The following SLC10A7 variants were observed in gnomAD, a reference collection of about 807,000 sequenced individuals.
The protein encoded by SLC10A7 is solute carrier family 10 member 7, also known as sodium/bile acid cotransporter 7.
A neutral mutation model predicts 43.2 loss-of-function variants in SLC10A7; 29 were observed. The observed-to-expected ratio is 0.67, with a 90% CI of 0.50 to 0.92. The LOEUF (loss-of-function observed/expected upper bound fraction) is 0.92. SLC10A7 is among the 40% of genes least tolerant of loss of function. The pLI is 0.00. For missense variants in SLC10A7, 295 were observed against 403.2 expected (o/e 0.73, Z 2.30); for synonymous variants, 152 against 144.8 (o/e 1.05, Z -0.35).
At chr4:146,417,697 A>G (rs1048857681) in intron 5 of SLC10A7, among the ~76,000 whole-genome samples, 1 of 152,206 alleles carries the variant, frequency 6.6e-6, no homozygotes, top group Non-Finnish European at 1.5e-5. Flanking sequence ...ACAGCAATAT[A>G]TAATATAGTG....
chr4:146,307,633 C>T (rs1016695515), intron 6 of SLC10A7, among the ~76,000 whole-genome samples: 9 of 151,958 alleles, frequency 5.9e-5, no homozygotes, highest in Non-Finnish European at 1.2e-4. Context: ...TAGAAAAATA[C>T]ACTTTAAAGA....
intron 5 of SLC10A7, among the ~76,000 whole-genome samples, chr4:146,335,251 T>TAAAAAAA (rs34522588): frequency 2.2e-5 from 2 of 92,654 alleles, no homozygotes; most frequent in East Asian, 3.3e-4. Flanking sequence ...ACAGATGTTG[T>TAAAAAAA]AAAAAAAAAA....
intron 4 of SLC10A7, among the ~76,000 whole-genome samples, chr4:146,467,995 T>C (rs565954942): frequency 1.1e-4 from 16 of 152,172 alleles, no homozygotes; most frequent in Non-Finnish European, 2.2e-4. Context: ...AGAAGAGAGA[T>C]ATTACAGTGT....
intron 5 of SLC10A7, among the ~76,000 whole-genome samples, chr4:146,346,388 C>T (rs865923427): frequency 1.3e-5 from 2 of 152,050 alleles, no homozygotes; most frequent in East Asian, 3.9e-4. Flanking sequence ...GGTATGAGGG[C>T]AGCCCAAGAA....
chr4:146,263,412 T>A (rs1728357722), intron 10 of SLC10A7, among the ~76,000 whole-genome samples: 2 of 152,232 alleles, frequency 1.3e-5, no homozygotes, highest in Non-Finnish European at 2.9e-5. Context: ...AATGAACTTG[T>A]ATTTTTCCAG....
chr4:146,371,285 C>T (rs1736758476), intron 5 of SLC10A7, among the ~76,000 whole-genome samples: 1 of 152,174 alleles, frequency 6.6e-6, no homozygotes, highest in South Asian at 2.1e-4. Flanking sequence ...TGCATTATAA[C>T]ATAGACACAA....
At chr4:146,311,796 A>T (rs1731998599) in intron 6 of SLC10A7, among the ~76,000 whole-genome samples, 1 of 152,144 alleles carries the variant, frequency 6.6e-6, no homozygotes, top group Non-Finnish European at 1.5e-5. Context: ...GCCCACACAC[A>T]GACACACTCC....
At chr4:146,292,877 C>T (rs12711434) in intron 9 of SLC10A7, 52 bp downstream of exon 9, 23 of 1,295,096 alleles carry the variant, frequency 1.8e-5, no homozygotes, top group Non-Finnish European at 2.1e-5. Flanking sequence ...CCAAGTAGAC[C>T]GCATGATTCC....
intron 5 of SLC10A7, among the ~76,000 whole-genome samples, chr4:146,333,427 A>G (rs1733669054): frequency 6.6e-6 from 1 of 152,172 alleles, no homozygotes; most frequent in Non-Finnish European, 1.5e-5. Context: ...CAATAAAATG[A>G]TAATGTTCAA....
intron 3 of SLC10A7, 47 bp downstream of exon 3, chr4:146,509,866 G>C (rs1579376623): frequency 3.2e-6 from 5 of 1,574,184 alleles, no homozygotes; most frequent in Non-Finnish European, 4.3e-6. Flanking sequence ...AATGTCTCTA[G>C]AGATGCCCCA....
intron 5 of SLC10A7, among the ~76,000 whole-genome samples, chr4:146,406,647 C>T (rs1055940755): frequency 2.0e-5 from 3 of 152,162 alleles, no homozygotes; most frequent in Non-Finnish European, 2.9e-5. Flanking sequence ...CAACCACCAG[C>T]CATCTGCTCA....
intron 9 of SLC10A7, among the ~76,000 whole-genome samples, chr4:146,283,728 CA>C (rs1729697074): frequency 6.6e-6 from 1 of 151,962 alleles, no homozygotes; most frequent in South Asian, 2.1e-4. Context: ...TTAGTAAAAA[CA>C]AATTATCATT....
rs1328098781 is a variant in SLC10A7 at position 146,255,126 on chromosome 4, G to A, written c.*1365C>T. ...CAGTGAGACCCAGGATGCCAATATT[G>A]TCTATCAAATCAAGAGAGGACGTGT... On this transcript the variant is annotated 3_prime_UTR_variant, in exon 12 of 12. Coordinates refer to ENST00000335472, the MANE Select transcript of SLC10A7 (RefSeq NM_001029998.6). 6.6e-6 allele frequency: 1 copy of A among 152,428 alleles called. No homozygotes were observed. The allele number at this position is 152,428 out of a possible 1,614,324, so 9.4% of individuals were successfully genotyped here. A position where few individuals can be genotyped will look rare whatever the true frequency, so the allele number is the denominator to read the frequency against.
At chr4:146,487,033 G>A (rs115846522) in intron 4 of SLC10A7, among the ~76,000 whole-genome samples, 1,668 of 152,286 alleles carry the variant, frequency 0.011, 27 homozygotes, top group African/African-American at 0.038. Flanking sequence ...CCTGCTCCCA[G>A]TGCAGGTAAT....
chr4:146,319,396 A>G (rs1354561419), intron 6 of SLC10A7, among the ~76,000 whole-genome samples: 1 of 152,026 alleles, frequency 6.6e-6, no homozygotes, highest in East Asian at 1.9e-4. Context: ...GTGAATCTGA[A>G]CTTAACCATC....
At chr4:146,341,010 A>G (rs576623308) in intron 5 of SLC10A7, among the ~76,000 whole-genome samples, 45 of 152,018 alleles carry the variant, frequency 3.0e-4, no homozygotes, top group African/African-American at 8.2e-4. Flanking sequence ...AAATCTATGC[A>G]CAGCACATTA....
intron 7 of SLC10A7, among the ~76,000 whole-genome samples, chr4:146,303,910 A>G (rs1193713464): frequency 6.6e-6 from 1 of 151,958 alleles, no homozygotes; most frequent in Non-Finnish European, 1.5e-5. Context: ...AGAGCTAGGG[A>G]GATTAAATAA....
intron 2 of SLC10A7, among the ~76,000 whole-genome samples, chr4:146,511,008 T>C (rs1405579951): frequency 6.6e-6 from 1 of 152,186 alleles, no homozygotes; most frequent in Non-Finnish European, 1.5e-5. Context: ...CACTTAATCC[T>C]CACAAGAATC....
At chr4:146,306,074 A>C (rs1731550579) in intron 6 of SLC10A7, 65 bp from the exon 7 acceptor site, 1 of 1,271,770 alleles carries the variant, frequency 7.9e-7, no homozygotes, top group Non-Finnish European at 1.1e-6. Flanking sequence ...AGTGTTTATA[A>C]ATAATGCAAT....
Sources: allele counts gnomAD v4.1 joint callset (sites outside exome capture counted in the v4.1 genomes callset), GRCh38; gene constraint gnomAD v4.1.1; transcripts MANE v1.5; gene names NCBI Gene and HGNC (gene_info 2026-07-23, HGNC 2026-07-21).